PCDHA3: variants seen among roughly 807,000 people sequenced by gnomAD.
PCDHA3 encodes protocadherin alpha 3.
A neutral mutation model predicts 62.2 loss-of-function variants in PCDHA3; 41 were observed. The ratio of observed to expected loss-of-function variants is 0.66; its 90% CI spans 0.51 to 0.86. The LOEUF is 0.86. Ranked by LOEUF, PCDHA3 falls within the 40% of genes least tolerant of loss-of-function variation. The pLI is 0.00. For synonymous variants in PCDHA3, 640 were observed against 555.4 expected, an observed-to-expected ratio of 1.15 and a Z score of -2.14; for missense variants, 1,304 against 1,241.2, an observed-to-expected ratio of 1.05 and a Z score of -0.76.
rs782715241 is a variant in PCDHA3 at position 140,803,300 on chromosome 5, C to T, written c.2103C>T (p.Ile701=). ...TGGTGGATGTCAACGTGTACTTGAT[C>T]GTCGCCATCTGCGCGGTGTCCAGTC... ...AALVDVNVYL[I]VAICAVSSLL... is the part of the protein sequence containing the mutation. The change falls in exon 1 of 4, where the codon ATC becomes ATT. Residue 701 remains isoleucine, a synonymous_variant. Coordinates refer to ENST00000522353, the MANE Select transcript of PCDHA3 (RefSeq NM_018906.3). 17 of 1,613,996 alleles carry T rather than the reference C, an allele frequency of 1.1e-5. No individual in the cohort carries two copies. Among genetic ancestry groups the T allele is most frequent in the Admixed American group, 3.3e-5 (2 of 60,018 alleles).
intron 1 of PCDHA3, among the ~76,000 whole-genome samples, chr5:140,940,877 T>G (rs2092697297): frequency 2.0e-5 from 3 of 152,378 alleles, no homozygotes; most frequent in East Asian, 3.9e-4. Flanking sequence ...GAGTGAATAC[T>G]ACTGCTAGTA....
Position 140,856,043 on chromosome 5 carries a change from G to A in PCDHA3, c.2394+52452G>A. On this transcript the variant is annotated intron_variant, in intron 1 of 3. Coordinates refer to ENST00000522353, the MANE Select transcript of PCDHA3 (RefSeq NM_018906.3). The stretch of plus-strand genomic sequence containing the variant: ...TCGTCGATTTGTAAAACAAGAGAAG[G>A]ATAAGATGGTTTCCAGATGTAGCTG... The A allele has an allele frequency of 3.8e-6, 6 of 1,581,380 alleles. 1 individual carries two copies. The highest frequency in any genetic ancestry group is 5.2e-6 in the Non-Finnish European group (6 of 1,157,972).
At chr5:140,876,282 C>T (rs1227830598) in intron 1 of PCDHA3, 3 of 1,613,872 alleles carry the variant, frequency 1.9e-6, no homozygotes, top group Admixed American at 1.7e-5. Flanking sequence ...CCGATCCAGA[C>T]GAAGGACTTA....
At chr5:140,940,194 G>T (rs1455968152) in intron 1 of PCDHA3, among the ~76,000 whole-genome samples, 4 of 152,118 alleles carry the variant, frequency 2.6e-5, no homozygotes, top group East Asian at 1.9e-4. Context: ...TTTTACATGG[G>T]TGTAAAATTC....
intron 1 of PCDHA3, among the ~76,000 whole-genome samples, chr5:140,973,451 G>A (rs1317548382): frequency 2.0e-5 from 3 of 152,172 alleles, no homozygotes; most frequent in African/African-American, 7.2e-5. Context: ...TATAATGACT[G>A]GGGCTGTTTT....
intron 1 of PCDHA3, chr5:140,824,620 T>TG (rs1472794866): frequency 7.7e-6 from 1 of 130,228 alleles, no homozygotes; most frequent in African/African-American, 3.4e-5. Context: ...GTTTTTTTTT[T>TG]TTTTTTTTTT....
rs2098422801 is a variant in PCDHA3, at chr5:141,012,055, C to T, written c.*2118C>T. On this transcript the variant is annotated 3_prime_UTR_variant, in exon 4 of 4. Coordinates refer to ENST00000522353, the MANE Select transcript of PCDHA3 (RefSeq NM_018906.3). ...GGATTGCATGGGGTAAAACTTGTTA[C>T]CAACACATGTGAACCATTGCTACAT... The T allele has an allele frequency of 6.5e-6, 1 of 153,666 alleles. No individual in the cohort carries two copies. Among genetic ancestry groups the T allele is most frequent in the African/African-American group, 2.4e-5 (1 of 41,404 alleles). 9.5% of individuals were successfully genotyped at this position (153,666 alleles called of 1,614,324 possible).
chr5:140,982,663 A>G (rs2096995052), intron 3 of PCDHA3, 100 bp downstream of exon 3: 5 of 1,473,648 alleles, frequency 3.4e-6, no homozygotes, highest in Admixed American at 2.6e-5. Context: ...TTTTTCTTTT[A>G]TATTTTTGTT....
intron 1 of PCDHA3, chr5:140,856,891 C>A: frequency 6.3e-7 from 1 of 1,596,046 alleles, no homozygotes; most frequent in Non-Finnish European, 8.6e-7. Flanking sequence ...ATTCATTTAG[C>A]TCTTTGGTCC....
chr5:140,963,365 T>C (rs2095759439), intron 1 of PCDHA3, among the ~76,000 whole-genome samples: 1 of 152,254 alleles, frequency 6.6e-6, no homozygotes. Flanking sequence ...CAAAGAACAT[T>C]AATTGAGCAC....
At chr5:140,858,338 A>G (rs1323713253) in intron 1 of PCDHA3, 2 of 1,595,638 alleles carry the variant, frequency 1.3e-6, no homozygotes, top group African/African-American at 2.7e-5. Context: ...GGGCCTGCCC[A>G]AGGCGGACCT....
intron 2 of PCDHA3, among the ~76,000 whole-genome samples, chr5:140,981,956 T>C (rs2096959461): frequency 6.6e-6 from 1 of 152,184 alleles, no homozygotes; most frequent in Non-Finnish European, 1.5e-5. Flanking sequence ...GGGTCATCTA[T>C]GCATAAAAGA....
chr5:140,927,293 C>T (rs782386645), intron 1 of PCDHA3: 5 of 1,614,176 alleles, frequency 3.1e-6, no homozygotes, highest in Non-Finnish European at 3.4e-6. Flanking sequence ...CTGCACATCC[C>T]CGAGTTCCTG....
intron 1 of PCDHA3, chr5:140,849,050 CAA>C: frequency 6.4e-7 from 1 of 1,560,214 alleles, no homozygotes. Context: ...TGCCAACCAG[CAA>C]CCAGCAGGTA....
At chr5:140,977,107 T>C (rs1419522797) in intron 1 of PCDHA3, among the ~76,000 whole-genome samples, 2 of 152,166 alleles carry the variant, frequency 1.3e-5, no homozygotes, top group Non-Finnish European at 2.9e-5. Flanking sequence ...GGAAGTGAGA[T>C]TGTATAATGA....
At chr5:140,823,586 C>T (rs2150127192) in intron 1 of PCDHA3, 2 of 1,614,018 alleles carry the variant, frequency 1.2e-6, no homozygotes, top group Non-Finnish European at 8.5e-7. Context: ...GGCTACAACG[C>T]TTGGCTTTCG....
chr5:140,830,074 G>A (rs2150180698), intron 1 of PCDHA3: 47 of 1,613,584 alleles, frequency 2.9e-5, no homozygotes, highest in East Asian at 4.5e-5. Context: ...CGCTGACAGC[G>A]ACGGCCACGG....
rs1444138021 is a variant in PCDHA3 at position 140,855,293 on chromosome 5, C to T, written c.2394+51702C>T. ...CTCAACCACCGTATTACTATTAGGC[C>T]AAAGTTATAAAATTGGAACATGAGG... On this transcript the variant is annotated intron_variant, in intron 1 of 3. Transcript: ENST00000522353. 2.7e-5 allele frequency among the ~76,000 whole-genome samples: 4 copies of T among 149,558 alleles called. 1 individual carries two copies. The highest frequency in any genetic ancestry group is 4.3e-4 in the South Asian group (2 of 4,702).
chr5:140,943,605 CTT>C (rs1232110768), intron 1 of PCDHA3, among the ~76,000 whole-genome samples: 5 of 152,064 alleles, frequency 3.3e-5, no homozygotes, highest in African/African-American at 1.2e-4. Context: ...TAAATATAGA[CTT>C]TGATTCATCT....
Sources: gnomAD v4.1 joint callset for allele counts (sites outside exome capture counted in the v4.1 genomes callset) on GRCh38, gnomAD v4.1.1 for gene constraint, MANE v1.5 for transcripts, NCBI Gene and HGNC (gene_info 2026-07-23, HGNC 2026-07-21) for gene names.